Variants in SPNS2 observed in about 807,000 individuals in gnomAD.
The protein encoded by SPNS2 is SPNS lysolipid transporter 2, sphingosine-1-phosphate, also known as sphingosine-1-phosphate transporter SPNS2.
A neutral mutation model predicts 57.6 loss-of-function variants in SPNS2; 37 were observed. That is an observed-to-expected ratio of 0.64 (90% CI 0.49 to 0.85). The LOEUF is 0.85. SPNS2 is among the 40% of genes least tolerant of loss of function. SPNS2 has a pLI of 0.00. For synonymous variants in SPNS2, 440 were observed against 346.9 expected (o/e 1.27, Z -2.98); for missense variants, 831 against 779.1 (o/e 1.07, Z -0.79).
intron 2 of SPNS2, among the ~76,000 whole-genome samples, chr17:4,521,755 C>T (rs1905143249): frequency 6.6e-6 from 1 of 152,258 alleles, no homozygotes; most frequent in Non-Finnish European, 1.5e-5. Context: ...TCAGCGTTAT[C>T]TGTGGTCCTA....
At chr17:4,524,081 G>T (rs758665571) in intron 2 of SPNS2, among the ~76,000 whole-genome samples, 2 of 152,234 alleles carry the variant, frequency 1.3e-5, no homozygotes, top group Non-Finnish European at 2.9e-5. Flanking sequence ...CGCGCTGGGA[G>T]TGAGGGCAGC....
intron 1 of SPNS2, among the ~76,000 whole-genome samples, chr17:4,502,335 G>A (rs542798052): frequency 2.0e-5 from 3 of 151,170 alleles, no homozygotes; most frequent in East Asian, 1.9e-4. Context: ...AGCCAAGATC[G>A]CGCCACTGTA....
chr17:4,503,033 C>G lies in SPNS2; in HGVS notation c.370+3616C>G, dbSNP rs567628279. On this transcript the variant is annotated intron_variant, in intron 1 of 12. Coordinates refer to ENST00000329078, the MANE Select transcript of SPNS2 (RefSeq NM_001124758.3). ...AGGCTCCTGTGCTTGCTCTTCTTAC[C>G]GAGCGTTGCTTCAATTGGATGAAAT... 2.0e-5 allele frequency among the ~76,000 whole-genome samples: 3 copies of G among 152,330 alleles called. No homozygotes were observed. In the South Asian group the frequency reaches 6.2e-4, roughly 32 times the overall value.
At chr17:4,532,496 C>T (rs750127763) in intron 5 of SPNS2, 46 bp from the exon 6 acceptor site, 35 of 1,613,540 alleles carry the variant, frequency 2.2e-5, no homozygotes, top group South Asian at 9.9e-5. Context: ...GCAGCAGGGA[C>T]GAGGCTCACT....
chr17:4,534,529 G>C (rs1298734789), intron 9 of SPNS2: 1 of 153,660 alleles, frequency 6.5e-6, no homozygotes, highest in Non-Finnish European at 1.4e-5. Context: ...CTGGGGCAGA[G>C]AGGAAGGACT....
At chr17:4,519,484 C>G (rs1462760622) in intron 2 of SPNS2, among the ~76,000 whole-genome samples, 1 of 152,284 alleles carries the variant, frequency 6.6e-6, no homozygotes. Flanking sequence ...GAGTGAGGCC[C>G]TGGCCCAAGA....
intron 1 of SPNS2, among the ~76,000 whole-genome samples, chr17:4,500,414 C>T (rs1042484820): frequency 2.6e-5 from 4 of 152,100 alleles, no homozygotes; most frequent in African/African-American, 9.7e-5. Context: ...AGAATTTGCC[C>T]TAGACTGAGC....
At chr17:4,532,520 C>T (rs373322187) in intron 5 of SPNS2, 22 bp from the exon 6 acceptor site, 6 of 1,613,980 alleles carry the variant, frequency 3.7e-6, no homozygotes, top group African/African-American at 1.3e-5. Flanking sequence ...CCCTGGTGTC[C>T]TAACTTCCTG....
At chr17:4,535,358 A>G (rs912448876) in intron 9 of SPNS2, among the ~76,000 whole-genome samples, 1 of 152,128 alleles carries the variant, frequency 6.6e-6, no homozygotes, top group Non-Finnish European at 1.5e-5. Context: ...GTCCCAGGCC[A>G]GTCGAGGCCT....
Position 4,538,638 on chromosome 17 carries a change from G to T in SPNS2, c.*1190G>T, listed in dbSNP as rs529719775. The T allele has an allele frequency of 5.0e-5, 25 of 498,988 alleles. No individual in the cohort carries two copies. The Admixed American group carries it at 6.5e-4, about 13-fold the overall frequency. The allele number at this position is 498,988 out of a possible 1,614,324, so 30.9% of individuals were successfully genotyped here. On this transcript the variant is annotated 3_prime_UTR_variant, in exon 13 of 13. Transcript: ENST00000329078. The stretch of plus-strand genomic sequence containing the variant: ...GGTGGTTCTGGTGCGGGGGTGGGGT[G>T]GGGGGTGAGGCCTTGTGGCCAATGG...
chr17:4,533,843 A>G lies in SPNS2; in HGVS notation c.1334A>G (p.Asp445Gly). ...LLFSNWAITA[D>G]ILMYVVIPTR... ...TTTTCTAACTGGGCCATCACTGCAGACATCCTCATGGTGAGCCAGGCAGGC... is the reference window on the plus strand; with the variant it reads ...TTTTCTAACTGGGCCATCACTGCAGGCATCCTCATGGTGAGCCAGGCAGGC... Residue 445 changes from aspartate (D) to glycine (G), a missense_variant, in exon 9 of 13, where the codon GAC becomes GGC. Asp to Gly is a moderately conservative substitution (Grantham distance 94). Transcript: ENST00000329078. The G allele has an allele frequency of 1.9e-6, 3 of 1,613,266 alleles. No individual in the cohort carries two copies. The highest frequency in any genetic ancestry group is 2.5e-6 in the Non-Finnish European group (3 of 1,179,958).
chr17:4,536,797 G>A (rs1341104361), intron 11 of SPNS2, 103 bp from the exon 12 acceptor site: 4 of 962,154 alleles, frequency 4.2e-6, no homozygotes, highest in Non-Finnish European at 3.3e-6. Context: ...TCCCTGCCCA[G>A]CACCTCCGGT....
At chr17:4,506,362 T>C (rs1904678297) in intron 1 of SPNS2, among the ~76,000 whole-genome samples, 1 of 152,322 alleles carries the variant, frequency 6.6e-6, no homozygotes, top group East Asian at 1.9e-4. Context: ...CTGGCTGGCA[T>C]ATCATGACCC....
intron 2 of SPNS2, among the ~76,000 whole-genome samples, chr17:4,523,048 G>A (rs529981168): frequency 6.6e-6 from 1 of 152,318 alleles, no homozygotes; most frequent in East Asian, 1.9e-4. Context: ...CCTGCCCCAG[G>A]GCCTAGGCAC....
Position 4,532,988 on chromosome 17 carries a change from T to C in SPNS2, c.947T>C (p.Val316Ala). ...MKALIRNRSYVFSSLATSAVS... is the reference protein window; with the variant it reads ...MKALIRNRSYAFSSLATSAVS... Reference sequence around the variant, plus strand: ...TGGCCTCTCCCCAGCCGCAGCTACGTCTTCTCCTCCCTGGCCACGTCGGCT... The same window carrying C: ...TGGCCTCTCCCCAGCCGCAGCTACGCCTTCTCCTCCCTGGCCACGTCGGCT... Residue 316 changes from valine (V) to alanine (A), a missense_variant, in exon 7 of 13, where the codon GTC becomes GCC. Around this residue, in one of 2 missense-constraint regions of SPNS2, gnomAD observed 526 missense variants for 400.9 expected, o/e 1.31. Transcript: ENST00000329078. 6.2e-7 allele frequency: 1 copy of C among 1,612,210 alleles called. No homozygotes were observed. The highest frequency in any genetic ancestry group is 8.5e-7 in the Non-Finnish European group (1 of 1,179,394).
In SPNS2 at chr17:4,499,354, G is replaced by A. The variant is rs1904393557; in HGVS notation, c.307G>A (p.Ala103Thr). ...GGCCAGCTTGGGCCGCGGGCGGGGG[G>A]CAGCCGCCGCCATCCTCAGCTTGGG... The part of the protein sequence containing the change: ...KPASLGRGRG[A>T]AAAILSLGNV... The change falls in exon 1 of 13, where the codon GCA becomes ACA. Residue 103 changes from alanine (A) to threonine (T), a missense_variant. Ala to Thr is a moderately conservative substitution (Grantham distance 58, BLOSUM62 0). Transcript: ENST00000329078. The surrounding 1 kb of genome is among the most constrained non-coding windows in gnomAD (Gnocchi z 5.2). 2.8e-6 allele frequency: 4 copies of A among 1,445,562 alleles called. No individual in the cohort carries two copies. Among genetic ancestry groups the A allele is most frequent in the South Asian group, 2.7e-5 (2 of 73,200 alleles). 89.5% of individuals were successfully genotyped at this position (1,445,562 alleles called of 1,614,324 possible).
intron 1 of SPNS2, among the ~76,000 whole-genome samples, chr17:4,502,728 A>G (rs1257637473): frequency 1.3e-5 from 2 of 152,144 alleles, no homozygotes; most frequent in African/African-American, 4.8e-5. Context: ...GGAGGGCTTC[A>G]CGAGTGCCAG....
Position 4,537,889 on chromosome 17 carries a change from C to G in SPNS2, c.*441C>G. The G allele has an allele frequency of 2.3e-6, 1 of 429,208 alleles. No individual in the cohort carries two copies. The highest frequency in any genetic ancestry group is 4.8e-6 in the Non-Finnish European group (1 of 209,806). 26.6% of individuals were successfully genotyped at this position (429,208 alleles called of 1,614,324 possible). On this transcript the variant is annotated 3_prime_UTR_variant, in exon 13 of 13. Coordinates refer to ENST00000329078, the MANE Select transcript of SPNS2 (RefSeq NM_001124758.3). ...CTTTGAAGACTCAACAGACCCTGGA[C>G]CATACGGAGAGCAGGTGGCCCAGGC...
chr17:4,534,975 G>A (rs907594047), intron 9 of SPNS2, among the ~76,000 whole-genome samples: 4 of 152,146 alleles, frequency 2.6e-5, no homozygotes, highest in African/African-American at 7.2e-5. Context: ...CTGGAAACAG[G>A]GCCACTCGTT....
Sources: allele counts gnomAD v4.1 joint callset (sites outside exome capture counted in the v4.1 genomes callset), GRCh38; gene constraint gnomAD v4.1.1; regional missense constraint gnomAD v4.1.1; non-coding constraint Gnocchi (gnomAD v3.1); transcripts MANE v1.5; gene names NCBI Gene and HGNC (gene_info 2026-07-23, HGNC 2026-07-21).